The following TASP1 variants were observed in gnomAD, a reference collection of about 807,000 sequenced individuals.
TASP1 encodes threonine aspartase 1.
In TASP1, 16 loss-of-function variants were observed where a neutral mutation model predicts 56.6. That is an observed-to-expected ratio of 0.28 (90% CI 0.19 to 0.43). TASP1 has a LOEUF of 0.43. Among genes scored for constraint, TASP1 ranks in the 20% least tolerant of loss-of-function variants. The probability of loss-of-function intolerance (pLI) is 1.00; values close to 1 mark genes in which losing one functional copy is unlikely to be tolerated. For missense variants in TASP1, 393 were observed against 511.6 expected (o/e 0.77, Z 2.24); for synonymous variants, 179 against 184.2 (o/e 0.97, Z 0.23).
At chr20:13,340,796 G>A in the TASP1 span, among the ~76,000 whole-genome samples, 647 of 152,140 alleles carry the variant, frequency 4.3e-3, 2 homozygotes, top group Non-Finnish European at 6.8e-3. Flanking sequence ...ATTTACCACT[G>A]AAATCAACTT....
At chr20:13,470,422 T>C (rs6131480) in intron 11 of TASP1, among the ~76,000 whole-genome samples, 24,885 of 152,134 alleles carry the variant, frequency 0.16, 2,384 homozygotes, top group Middle Eastern at 0.23. Context: ...GATATCCTTA[T>C]AGAAATTTCC....
the TASP1 span, among the ~76,000 whole-genome samples, chr20:13,292,779 T>G: frequency 3.9e-5 from 6 of 152,166 alleles, no homozygotes; most frequent in Non-Finnish European, 7.3e-5. Flanking sequence ...AATCTGTTCT[T>G]ACTCAGCCTT....
the TASP1 span, among the ~76,000 whole-genome samples, chr20:13,219,304 C>T: frequency 6.6e-6 from 1 of 152,132 alleles, no homozygotes; most frequent in African/African-American, 2.4e-5. Context: ...CATTCTATTT[C>T]GGCGCTGATT....
chr20:13,449,367 T>C (rs999195583), intron 11 of TASP1, among the ~76,000 whole-genome samples: 1 of 152,126 alleles, frequency 6.6e-6, no homozygotes, highest in African/African-American at 2.4e-5. Context: ...CTGATTTATT[T>C]CCTTATATAC....
chr20:13,384,645 C>T (rs1279341486), downstream of TASP1, among the ~76,000 whole-genome samples: 2 of 152,098 alleles, frequency 1.3e-5, no homozygotes, highest in African/African-American at 2.4e-5. Context: ...GGCCCCAGAA[C>T]AAATATTAAT....
At chr20:13,107,880 T>A in the TASP1 span, among the ~76,000 whole-genome samples, 1 of 152,166 alleles carries the variant, frequency 6.6e-6, no homozygotes, top group Non-Finnish European at 1.5e-5. Flanking sequence ...TATATTTGAA[T>A]AAAGAATTAT....
chr20:13,366,160 G>A, the TASP1 span, among the ~76,000 whole-genome samples: 1 of 152,202 alleles, frequency 6.6e-6, no homozygotes, highest in Non-Finnish European at 1.5e-5. Flanking sequence ...TTTATTAGGT[G>A]TCACAGTAGA....
chr20:13,276,553 C>CT, the TASP1 span, among the ~76,000 whole-genome samples: 4 of 152,234 alleles, frequency 2.6e-5, no homozygotes, highest in African/African-American at 9.6e-5. Context: ...AGTTCCCTTT[C>CT]TTTTATCATC....
the TASP1 span, among the ~76,000 whole-genome samples, chr20:13,220,208 G>C: frequency 6.6e-6 from 1 of 152,196 alleles, no homozygotes; most frequent in Non-Finnish European, 1.5e-5. Flanking sequence ...TAAAAGTCCC[G>C]GCCGGACTGA....
At chr20:13,408,089 T>A (rs1160372597) in intron 13 of TASP1, among the ~76,000 whole-genome samples, 1 of 152,190 alleles carries the variant, frequency 6.6e-6, no homozygotes, top group Non-Finnish European at 1.5e-5. Flanking sequence ...TTATTTTTTC[T>A]TTTGTTGCCT....
At chr20:13,322,705 T>C in the TASP1 span, among the ~76,000 whole-genome samples, 1 of 152,174 alleles carries the variant, frequency 6.6e-6, no homozygotes, top group Non-Finnish European at 1.5e-5. Flanking sequence ...GCTGCAAAGC[T>C]TAGATTACTT....
At chr20:13,290,519 G>A in the TASP1 span, among the ~76,000 whole-genome samples, 1 of 152,048 alleles carries the variant, frequency 6.6e-6, no homozygotes, top group Non-Finnish European at 1.5e-5. Flanking sequence ...CATGGTGGCG[G>A]GCGCCTGTAG....
At chr20:13,330,336 T>C in the TASP1 span, among the ~76,000 whole-genome samples, 6 of 152,222 alleles carry the variant, frequency 3.9e-5, no homozygotes, top group South Asian at 2.1e-4. Flanking sequence ...TGGAATTACA[T>C]TGATTGATTT....
chr20:13,549,101 A>C (rs2045897968), intron 8 of TASP1, among the ~76,000 whole-genome samples: 1 of 152,182 alleles, frequency 6.6e-6, no homozygotes, highest in African/African-American at 2.4e-5. Flanking sequence ...TTAACTGCTG[A>C]GGAAACTAAA....
the TASP1 span, among the ~76,000 whole-genome samples, chr20:13,309,657 ATC>A: frequency 6.6e-6 from 1 of 152,358 alleles, no homozygotes; most frequent in African/African-American, 2.4e-5. Context: ...AAGTGAATTT[ATC>A]TCTGTTTGCA....
the TASP1 span, among the ~76,000 whole-genome samples, chr20:13,175,225 G>A: frequency 1.3e-5 from 2 of 152,156 alleles, no homozygotes; most frequent in Non-Finnish European, 2.9e-5. Context: ...CTGGAAACAT[G>A]ATGATCTCAC....
At chr20:13,369,802 G>A in the TASP1 span, among the ~76,000 whole-genome samples, 1 of 152,186 alleles carries the variant, frequency 6.6e-6, no homozygotes, top group African/African-American at 2.4e-5. Flanking sequence ...ATGAAATATT[G>A]TTTCCAAATA....
chr20:13,188,917 C>T, the TASP1 span, among the ~76,000 whole-genome samples: 117 of 152,304 alleles, frequency 7.7e-4, no homozygotes, highest in South Asian at 8.3e-4. Context: ...CCAATCCCAG[C>T]GACCATTCTT....
intron 4 of TASP1, among the ~76,000 whole-genome samples, chr20:13,604,717 C>A (rs2147382998): frequency 6.6e-6 from 1 of 152,092 alleles, no homozygotes; most frequent in East Asian, 1.9e-4. Context: ...AAATTAAAAC[C>A]ACCAGATACC....
Sources: gnomAD v4.1 joint callset for allele counts (sites outside exome capture counted in the v4.1 genomes callset) on GRCh38, gnomAD v4.1.1 for gene constraint, MANE v1.5 for transcripts, NCBI Gene and HGNC (gene_info 2026-07-23, HGNC 2026-07-21) for gene names.